Variants in KCNK3 observed in about 807,000 individuals in gnomAD.
The protein encoded by KCNK3 is potassium two pore domain channel subfamily K member 3.
KCNK3 carries 9 observed loss-of-function variants against 27.3 expected under a neutral mutation model. The observed-to-expected ratio is 0.33, with a 90% CI of 0.20 to 0.57. The LOEUF is 0.57. Ranked by LOEUF, KCNK3 falls within the 20% of genes least tolerant of loss-of-function variation. The pLI, the probability that KCNK3 is intolerant of heterozygous loss-of-function variation, is 0.87. For missense variants in KCNK3, 391 were observed against 577.7 expected, an observed-to-expected ratio of 0.68 and a Z score of 3.31; for synonymous variants, 278 against 273.8, an observed-to-expected ratio of 1.02 and a Z score of -0.15.
rs1558592613 is a variant in KCNK3 at position 26,693,295 on chromosome 2, C to A, written c.283+137C>A. The A allele has an allele frequency of 4.7e-6, 4 of 855,766 alleles. No homozygotes were observed. Among genetic ancestry groups the A allele is most frequent in the Non-Finnish European group, 1.7e-6 (1 of 599,734 alleles). The allele number at this position is 855,766 out of a possible 1,614,324, so 53.0% of individuals were successfully genotyped here. A position where few individuals can be genotyped will look rare whatever the true frequency, so the allele number is the denominator to read the frequency against. ...GCCGAACCCTGCGCTCGCAGAAACC[C>A]GAGTTCAGCCTGGCGTGTGTGCTCC... On this transcript the variant is annotated intron_variant, in intron 1 of 1. Coordinates refer to ENST00000302909, the MANE Select transcript of KCNK3 (RefSeq NM_002246.3). This position sits in a 1 kb window ranked among gnomAD's most constrained non-coding sequence, Gnocchi z 5.5.
Position 26,727,817 on chromosome 2 carries a change from A to C in KCNK3, c.434A>C (p.Lys145Thr). Residue 145 changes from lysine to threonine, a missense_variant, in exon 2 of 2, where the codon AAG (lysine) becomes ACG (threonine). Lys to Thr is a moderately conservative substitution (Grantham distance 78, BLOSUM62 -1). This residue lies in a region of KCNK3 where 158 missense variants were observed against 267.7 expected (regional missense o/e 0.59). Transcript: ENST00000302909. ...LVRYLLHRAK[K>T]GLGMRRADVS... ...AGGTACCTGCTGCACCGCGCCAAGA[A>C]GGGGCTGGGCATGCGGCGCGCCGAC... 6.2e-7 allele frequency: 1 copy of C among 1,611,500 alleles called. No individual in the cohort carries two copies. The highest frequency in any genetic ancestry group is 8.5e-7 in the Non-Finnish European group (1 of 1,177,986).
At chr2:26,714,710 A>T (rs1393821678) in intron 1 of KCNK3, among the ~76,000 whole-genome samples, 3 of 151,648 alleles carry the variant, frequency 2.0e-5, no homozygotes, top group Admixed American at 2.0e-4. Flanking sequence ...ACATGGCGAA[A>T]CCCTGTCTCT....
At chr2:26,703,269 C>T (rs1039402960) in intron 1 of KCNK3, among the ~76,000 whole-genome samples, 1 of 152,132 alleles carries the variant, frequency 6.6e-6, no homozygotes, top group African/African-American at 2.4e-5. Context: ...AATAATCTCC[C>T]AAACTTAAAG....
chr2:26,723,510 T>C (rs563503647), intron 1 of KCNK3, among the ~76,000 whole-genome samples: 2 of 152,194 alleles, frequency 1.3e-5, no homozygotes, highest in East Asian at 1.9e-4. Context: ...GCTGAGTTGC[T>C]CCCAAGTAGG....
chr2:26,706,257 G>T (rs1023713594), intron 1 of KCNK3, among the ~76,000 whole-genome samples: 1 of 152,168 alleles, frequency 6.6e-6, no homozygotes, highest in Non-Finnish European at 1.5e-5. Context: ...GACATCAGGA[G>T]TCAGTGGGTG....
intron 1 of KCNK3, among the ~76,000 whole-genome samples, chr2:26,708,449 G>A (rs542792299): frequency 3.4e-4 from 52 of 152,306 alleles, no homozygotes; most frequent in African/African-American, 1.3e-3. Flanking sequence ...TGAGGCAGGA[G>A]GATCACCTGA....
intron 1 of KCNK3, among the ~76,000 whole-genome samples, chr2:26,713,552 G>A (rs1427899835): frequency 6.6e-6 from 1 of 152,152 alleles, no homozygotes. Context: ...AGCCGAGGCG[G>A]GCGGATCCCC....
chr2:26,696,906 A>G (rs1670241903), intron 1 of KCNK3, among the ~76,000 whole-genome samples: 1 of 152,128 alleles, frequency 6.6e-6, no homozygotes, highest in Non-Finnish European at 1.5e-5. Context: ...ATACTTATTT[A>G]TTATTTTTAT....
intron 1 of KCNK3, among the ~76,000 whole-genome samples, chr2:26,696,299 G>T (rs1490202487): frequency 6.6e-6 from 1 of 152,246 alleles, no homozygotes; most frequent in Non-Finnish European, 1.5e-5. Context: ...GGGAAGGGAA[G>T]CGGCTCCCCC....
intron 1 of KCNK3, among the ~76,000 whole-genome samples, chr2:26,719,732 A>G (rs1663292999): frequency 6.6e-6 from 1 of 152,214 alleles, no homozygotes; most frequent in Non-Finnish European, 1.5e-5. Flanking sequence ...TCTCCTGGCT[A>G]CATCACCAAC....
intron 1 of KCNK3, among the ~76,000 whole-genome samples, chr2:26,713,749 G>C (rs1416216647): frequency 1.3e-5 from 2 of 149,118 alleles, no homozygotes; most frequent in African/African-American, 5.0e-5. Flanking sequence ...CGTACCACCA[G>C]CCTGGGCGAA....
At chr2:26,724,513 G>A (rs1276345117) in intron 1 of KCNK3, 1 of 786,402 alleles carries the variant, frequency 1.3e-6, no homozygotes, top group Non-Finnish European at 1.5e-6. Context: ...TCATAATAGT[G>A]ACCTTGTAAG....
chr2:26,722,020 C>T (rs949994229), intron 1 of KCNK3, among the ~76,000 whole-genome samples: 5 of 152,160 alleles, frequency 3.3e-5, no homozygotes, highest in African/African-American at 1.2e-4. Flanking sequence ...TGCACAGGAG[C>T]GTTTCCCAAA....
At chr2:26,718,401 C>T (rs575531802) in intron 1 of KCNK3, among the ~76,000 whole-genome samples, 24 of 152,300 alleles carry the variant, frequency 1.6e-4, no homozygotes, top group African/African-American at 5.8e-4. Flanking sequence ...CTTCCTGTTC[C>T]AAGAACGCCA....
At chr2:26,712,602 A>T (rs776433239) in intron 1 of KCNK3, among the ~76,000 whole-genome samples, 2 of 151,144 alleles carry the variant, frequency 1.3e-5, no homozygotes, top group Admixed American at 1.3e-4. Flanking sequence ...CCACCCTATA[A>T]CCTATCGGGA....
intron 1 of KCNK3, among the ~76,000 whole-genome samples, chr2:26,694,474 C>A (rs137917724): frequency 2.0e-5 from 3 of 152,264 alleles, no homozygotes; most frequent in South Asian, 2.1e-4. Context: ...ACTCTTCCTG[C>A]GGTCTATCCA....
chr2:26,698,164 C>T (rs1401795763), intron 1 of KCNK3, among the ~76,000 whole-genome samples: 2 of 152,142 alleles, frequency 1.3e-5, no homozygotes, highest in African/African-American at 4.8e-5. Context: ...CTCATCACTC[C>T]ATTGTTCGAG....
At chr2:26,702,059 G>T (rs917299314) in intron 1 of KCNK3, among the ~76,000 whole-genome samples, 5 of 152,122 alleles carry the variant, frequency 3.3e-5, no homozygotes, top group Admixed American at 6.6e-5. Context: ...CATCACCGAG[G>T]TACTAAGCCT....
intron 1 of KCNK3, among the ~76,000 whole-genome samples, chr2:26,711,012 T>C (rs1384044950): frequency 6.6e-6 from 1 of 152,140 alleles, no homozygotes; most frequent in Non-Finnish European, 1.5e-5. Flanking sequence ...CAGGGCAAAA[T>C]GTGCCCCCTC....
Sources: allele counts gnomAD v4.1 joint callset (sites outside exome capture counted in the v4.1 genomes callset), GRCh38; gene constraint gnomAD v4.1.1; regional missense constraint gnomAD v4.1.1; non-coding constraint Gnocchi (gnomAD v3.1); transcripts MANE v1.5; gene names NCBI Gene and HGNC (gene_info 2026-07-23, HGNC 2026-07-21).